The following RALGPS1 variants were observed in gnomAD, a reference collection of about 807,000 sequenced individuals.
RALGPS1 encodes Ral GEF with PH domain and SH3 binding motif 1, also known as ras-specific guanine nucleotide-releasing factor RalGPS1.
RALGPS1 carries 19 observed loss-of-function variants against 78.8 expected under a neutral mutation model. The ratio of observed to expected loss-of-function variants is 0.24; its 90% confidence interval spans 0.17 to 0.35. RALGPS1 has a LOEUF of 0.35. RALGPS1 is among the 10% of genes least tolerant of loss of function. RALGPS1 has a pLI of 1.00. For missense variants in RALGPS1, 454 were observed against 688.3 expected (o/e 0.66, Z 3.81); for synonymous variants, 228 against 256.3 (o/e 0.89, Z 1.06).
intron 8 of RALGPS1, among the ~76,000 whole-genome samples, chr9:127,147,344 A>T (rs1301316014): frequency 6.6e-6 from 1 of 152,098 alleles, no homozygotes. Context: ...TACTCTGTTG[A>T]TAGTTTATTT....
At chr9:127,108,167 G>A (rs2054420699) in intron 8 of RALGPS1, 1 of 1,614,148 alleles carries the variant, frequency 6.2e-7, no homozygotes, top group Non-Finnish European at 8.5e-7. Context: ...TTGTGGGCCA[G>A]TGTGGCCAGG....
At chr9:127,069,838 C>T (rs2050035726) in intron 8 of RALGPS1, 1 of 152,398 alleles carries the variant, frequency 6.6e-6, no homozygotes, top group South Asian at 2.1e-4. Context: ...TGTTATCTCA[C>T]CTAAAGATAT....
intron 8 of RALGPS1, among the ~76,000 whole-genome samples, chr9:127,077,065 G>C (rs1254143564): frequency 6.6e-6 from 1 of 152,194 alleles, no homozygotes; most frequent in Non-Finnish European, 1.5e-5. Context: ...GCCTAGACAT[G>C]GGAGTCAGGA....
chr9:127,022,112 A>G (rs1462662442), intron 4 of RALGPS1, among the ~76,000 whole-genome samples: 2 of 152,128 alleles, frequency 1.3e-5, no homozygotes, highest in Admixed American at 1.3e-4. Flanking sequence ...TTATTCAGTG[A>G]GTACATATAT....
At chr9:127,018,696 G>A (rs1343579661) in intron 4 of RALGPS1, among the ~76,000 whole-genome samples, 3 of 150,686 alleles carry the variant, frequency 2.0e-5, no homozygotes. Context: ...GAAAAGTATA[G>A]CAAATACATA....
chr9:127,060,545 T>C (rs1403609304), intron 7 of RALGPS1, among the ~76,000 whole-genome samples: 1 of 150,312 alleles, frequency 6.7e-6, no homozygotes, highest in African/African-American at 2.4e-5. Context: ...GTTGTTGTTA[T>C]TAATATTTTC....
intron 13 of RALGPS1, among the ~76,000 whole-genome samples, chr9:127,197,041 G>T (rs1045734283): frequency 4.6e-5 from 7 of 152,192 alleles, no homozygotes; most frequent in African/African-American, 1.7e-4. Flanking sequence ...GAGGGTAGCT[G>T]GGTGGCCACT....
intron 14 of RALGPS1, chr9:127,210,579 G>A (rs1002052227): frequency 2.9e-5 from 21 of 733,602 alleles, no homozygotes; most frequent in East Asian, 8.1e-5. Flanking sequence ...AGGGAGGGAG[G>A]TTGCTCTGCG....
chr9:127,184,114 C>A, intron 11 of RALGPS1: 1 of 1,471,974 alleles, frequency 6.8e-7, no homozygotes, highest in Non-Finnish European at 9.2e-7. Flanking sequence ...TCACTTGAGC[C>A]CAGGAGTTCA....
At chr9:126,995,176 A>G (rs2042621594) in intron 4 of RALGPS1, among the ~76,000 whole-genome samples, 1 of 152,226 alleles carries the variant, frequency 6.6e-6, no homozygotes, top group Non-Finnish European at 1.5e-5. Flanking sequence ...ATTCACACAT[A>G]ACAATATTAA....
intron 3 of RALGPS1, 92 bp downstream of exon 3, chr9:126,966,043 A>G: frequency 1.1e-6 from 1 of 886,976 alleles, no homozygotes; most frequent in Non-Finnish European, 1.9e-6. Context: ...GATTGGAAAC[A>G]TTCTATATGC....
intron 8 of RALGPS1, among the ~76,000 whole-genome samples, chr9:127,086,723 G>C (rs1264221885): frequency 6.6e-6 from 1 of 152,134 alleles, no homozygotes; most frequent in African/African-American, 2.4e-5. Flanking sequence ...GAAAAAAGTT[G>C]TATCTTTTAG....
At chr9:126,949,080 C>T (rs192377096) in intron 1 of RALGPS1, among the ~76,000 whole-genome samples, 4 of 152,070 alleles carry the variant, frequency 2.6e-5, no homozygotes, top group Admixed American at 2.6e-4. Context: ...GTTTTTTGTC[C>T]TTGCGATAGT....
chr9:126,953,330 A>T (rs2038034547), intron 1 of RALGPS1, among the ~76,000 whole-genome samples: 1 of 151,960 alleles, frequency 6.6e-6, no homozygotes, highest in Non-Finnish European at 1.5e-5. Context: ...GTTTCCAGGG[A>T]GGAATTAGCA....
At chr9:126,990,861 A>G (rs1411942209) in intron 4 of RALGPS1, among the ~76,000 whole-genome samples, 8 of 152,242 alleles carry the variant, frequency 5.3e-5, no homozygotes, top group Admixed American at 5.2e-4. Flanking sequence ...GATCTAATGC[A>G]GTGCCTGATG....
chr9:126,936,822 A>G (rs1039380474), intron 1 of RALGPS1, among the ~76,000 whole-genome samples: 5 of 151,924 alleles, frequency 3.3e-5, no homozygotes, highest in African/African-American at 7.3e-5. Context: ...ACAGGTAAGG[A>G]AGGAGTGCAG....
At chr9:126,973,129 A>G (rs1327919605) in intron 3 of RALGPS1, among the ~76,000 whole-genome samples, 2 of 152,046 alleles carry the variant, frequency 1.3e-5, no homozygotes, top group Admixed American at 6.6e-5. Flanking sequence ...GCACTTTGGG[A>G]GGTTGTGGTG....
chr9:127,137,617 G>C (rs1444277400), intron 8 of RALGPS1, among the ~76,000 whole-genome samples: 1 of 152,198 alleles, frequency 6.6e-6, no homozygotes, highest in Non-Finnish European at 1.5e-5. Context: ...TTTTGAAGCT[G>C]GTTCCAGTTG....
chr9:126,952,383 A>T (rs1287137637), intron 1 of RALGPS1, among the ~76,000 whole-genome samples: 2 of 152,144 alleles, frequency 1.3e-5, no homozygotes, highest in East Asian at 3.9e-4. Flanking sequence ...AGTGATGGCC[A>T]TTCCAGTCTG....
Sources: allele counts gnomAD v4.1 joint callset (sites outside exome capture counted in the v4.1 genomes callset), GRCh38; gene constraint gnomAD v4.1.1; transcripts MANE v1.5; gene names NCBI Gene and HGNC (gene_info 2026-07-23, HGNC 2026-07-21).